The following ZNF81 variants were observed in gnomAD, a reference collection of about 807,000 sequenced individuals.
ZNF81 encodes zinc finger protein 81, also known as zinc finger protein 81 (HFZ20).
In ZNF81, 5 loss-of-function variants were observed where a neutral mutation model predicts 32.3. That is an observed-to-expected ratio of 0.15 (90% CI 0.08 to 0.33). The LOEUF is 0.33. Ranked by LOEUF, ZNF81 falls within the 10% of genes least tolerant of loss-of-function variation. The pLI is 1.00. For synonymous variants in ZNF81, 163 were observed against 166.8 expected (o/e 0.98, Z 0.17); for missense variants, 379 against 479.8 (o/e 0.79, Z 1.96).
At chrX:47,902,110 C>T (rs782079621) in intron 4 of ZNF81, among the ~76,000 whole-genome samples, 4 of 110,880 alleles carry the variant, frequency 3.6e-5, no homozygotes, top group Admixed American at 9.6e-5. Context: ...TCAAGGAGTT[C>T]GTGTATTCCA....
At chrX:47,860,666 A>G (rs2058536427) in intron 2 of ZNF81, 1 of 111,723 alleles carries the variant, frequency 9.0e-6, no homozygotes, top group South Asian at 3.7e-4. Context: ...TGGTGTCTGA[A>G]GTAGGACAGT....
At position 47,840,127 on chromosome X, in the gene ZNF81, CTTTT is replaced by C. The variant is rs34211141; in HGVS notation, c.-164+3154_-164+3157del. On this transcript the variant is annotated intron_variant, in intron 1 of 4. Coordinates refer to ENST00000338637, the MANE Select transcript of ZNF81 (RefSeq NM_007137.5). ...ATTTGTGTCTTCATGTCTTCTCTCT[CTTTT>C]TTTTTTTTTTTTTGCAGAGACAAGT... 1.4e-4 allele frequency among the ~76,000 whole-genome samples: 12 copies of C among 82,799 alleles called. No homozygotes were observed. The South Asian group carries it at 2.4e-3, about 16-fold the overall frequency. 71.9% of individuals were successfully genotyped at this position (82,799 alleles called of 115,157 possible).
Position 47,843,432 on chromosome X carries a change from T to TAC in ZNF81, c.-163-2641_-163-2640dup, listed in dbSNP as rs782116296. Among the ~76,000 whole-genome samples, 662 of 96,862 alleles carry TAC rather than the reference T, an allele frequency of 6.8e-3. 2 individuals carry two copies. The highest frequency in any genetic ancestry group is 0.014 in the African/African-American group (380 of 26,672). 84.1% of individuals were successfully genotyped at this position (96,862 alleles called of 115,157 possible). ...AATTATCTTATGTTATTCCTATATC[T>TAC]ACACACACACACACACACACACACA... On this transcript the variant is annotated intron_variant, in intron 1 of 4. Transcript: ENST00000338637.
intron 2 of ZNF81, among the ~76,000 whole-genome samples, chrX:47,852,275 G>A (rs2058498737): frequency 2.7e-5 from 3 of 111,976 alleles, no homozygotes; most frequent in African/African-American, 9.7e-5. Flanking sequence ...GACCGATCGG[G>A]GTGGTGGTTG....
In ZNF81 at chrX:47,919,424, C is replaced by A. The variant is rs1487734268; in HGVS notation, c.*2792C>A. ...TTGTAATATTTCCATTTGATTCTTA[C>A]AATTTTCATATATCTGCTGAAATTC... On this transcript the variant is annotated 3_prime_UTR_variant, in exon 5 of 5. Transcript: ENST00000338637. The A allele has an allele frequency of 1.5e-5, 3 of 198,479 alleles. No homozygotes were observed. Among genetic ancestry groups the A allele is most frequent in the Non-Finnish European group, 2.8e-5 (3 of 105,290 alleles). The allele number at this position is 198,479 out of a possible 1,213,427, so 16.4% of individuals were successfully genotyped here. A position where few individuals can be genotyped will look rare whatever the true frequency, so the allele number is the denominator to read the frequency against.
chrX:47,872,421 G>A (rs1262005347), intron 2 of ZNF81, among the ~76,000 whole-genome samples: 1 of 111,685 alleles, frequency 9.0e-6, no homozygotes, highest in Non-Finnish European at 1.9e-5. Flanking sequence ...AAGTTTTCCT[G>A]TGAGTGGCTC....
intron 2 of ZNF81, among the ~76,000 whole-genome samples, chrX:47,876,137 G>A (rs1556884518): frequency 8.9e-6 from 1 of 112,211 alleles, no homozygotes; most frequent in African/African-American, 3.2e-5. Context: ...CTTGATATCT[G>A]TATTCAAAGA....
intron 1 of ZNF81, chrX:47,840,914 C>T: frequency 2.2e-6 from 1 of 457,531 alleles, no homozygotes; most frequent in Non-Finnish European, 3.8e-6. Context: ...AATAAAAACA[C>T]ATGCTTCCAC....
Position 47,846,299 on chromosome X carries a change from G to A in ZNF81, c.32G>A (p.Gly11Glu). 1 of 1,209,797 alleles carries A rather than the reference G, an allele frequency of 8.3e-7. No individual in the cohort carries two copies. Among genetic ancestry groups the A allele is most frequent in the Non-Finnish European group, 1.1e-6 (1 of 894,999 alleles). Residue 11 changes from glycine to glutamate, a missense_variant, in exon 2 of 5, where the codon GGG (glycine) becomes GAG (glutamate). Physicochemically the swap from Gly to Glu is moderately conservative, Grantham distance 98. Transcript: ENST00000338637. ...GCTAACGAGGACGCTCCCCAGCCAG[G>A]GGAACATGGCAGTGCCTGTGAGGTG... MPANEDAPQP[G>E]EHGSACEVSV...
In ZNF81 at chrX:47,915,486, G is replaced by A. The variant is rs782154046; in HGVS notation, c.840G>A (p.Gly280=). The part of the protein sequence containing the change: ...GEKANTCTEF[G]KIFTQRSHFF... ...AAGCAAACACATGTACTGAATTTGG[G>A]AAGATCTTCACCCAGAGGTCACATT... Residue 280 remains glycine (G), a synonymous_variant, in exon 5 of 5, where the codon GGG becomes GGA. Coordinates refer to ENST00000338637, the MANE Select transcript of ZNF81 (RefSeq NM_007137.5). 1 of 1,211,395 alleles carries A rather than the reference G, an allele frequency of 8.3e-7. No individual in the cohort carries two copies. The highest frequency in any genetic ancestry group is 1.8e-5 in the South Asian group (1 of 56,987).
At chrX:47,887,885 G>T in intron 2 of ZNF81, 114 bp from the exon 3 acceptor site, 1 of 862,643 alleles carries the variant, frequency 1.2e-6, no homozygotes, top group East Asian at 3.2e-5. Context: ...GTATTTAATG[G>T]GCATACCATA....
At chrX:47,869,343 G>A (rs1440934561) in intron 2 of ZNF81, among the ~76,000 whole-genome samples, 5 of 111,695 alleles carry the variant, frequency 4.5e-5, no homozygotes, top group Non-Finnish European at 7.5e-5. Context: ...GATATAATAC[G>A]GAGTTCATCA....
At chrX:47,863,157 G>A (rs1221495362) in intron 2 of ZNF81, among the ~76,000 whole-genome samples, 1 of 111,584 alleles carries the variant, frequency 9.0e-6, no homozygotes, top group East Asian at 2.8e-4. Context: ...ATGAAACGGG[G>A]AGGGTGGTTC....
Position 47,888,132 on chromosome X carries a change from A to G in ZNF81, c.181+7A>G, listed in dbSNP as rs370030781. 1.1e-5 allele frequency: 13 copies of G among 1,205,036 alleles called. No homozygotes were observed. Among genetic ancestry groups the G allele is most frequent in the Non-Finnish European group, 1.5e-5 (13 of 892,730 alleles). The stretch of plus-strand genomic sequence containing the variant: ...AGCCACCTGCTCTCAGTGGGTAAGG[A>G]CAACCATCCTGTGAAGTTGTGAGGA... On this transcript the variant is annotated splice_region_variant and intron_variant, in intron 3 of 4. Coordinates refer to ENST00000338637, the MANE Select transcript of ZNF81 (RefSeq NM_007137.5).
intron 2 of ZNF81, among the ~76,000 whole-genome samples, chrX:47,852,010 G>A (rs1303504884): frequency 2.7e-5 from 3 of 112,122 alleles, no homozygotes; most frequent in African/African-American, 9.7e-5. Flanking sequence ...GAGATATTGC[G>A]GGTTCGATTC....
chrX:47,867,698 C>T (rs2058565270), intron 2 of ZNF81, among the ~76,000 whole-genome samples: 1 of 112,251 alleles, frequency 8.9e-6, no homozygotes, highest in Non-Finnish European at 1.9e-5. Context: ...TGATTAGCAA[C>T]GTGCAGAAAT....
rs782274841 is a variant in ZNF81, at chrX:47,915,237, G to T, written c.591G>T (p.Lys197Asn). The T allele has an allele frequency of 1.0e-4, 121 of 1,208,517 alleles. No homozygotes were observed. The highest frequency in any genetic ancestry group is 1.2e-4 in the Non-Finnish European group (110 of 894,322). Residue 197 changes from lysine to asparagine, a missense_variant, in exon 5 of 5, where the codon AAG becomes AAT. Lys to Asn is a moderately conservative substitution (Grantham distance 94). Around this residue, in one of 2 missense-constraint regions of ZNF81, gnomAD observed 277 missense variants for 306.6 expected, o/e 0.90. Transcript: ENST00000338637. ...CCCATAAACGTGATTCATTTGGGAA[G>T]AGTTTTAAGCATAATTTAGACTTAC... ...KRPHKRDSFGKSFKHNLDLHI... is the reference protein window; with the variant it reads ...KRPHKRDSFGNSFKHNLDLHI...
chrX:47,904,826 A>T (rs1168605087), intron 4 of ZNF81, among the ~76,000 whole-genome samples: 4 of 111,971 alleles, frequency 3.6e-5, no homozygotes, highest in African/African-American at 1.3e-4. Context: ...ATGTCCAACA[A>T]CGATAGACTG....
intron 4 of ZNF81, among the ~76,000 whole-genome samples, chrX:47,901,846 C>G (rs2058699759): frequency 9.0e-6 from 1 of 110,790 alleles, no homozygotes; most frequent in Non-Finnish European, 1.9e-5. Context: ...AAATTTCATG[C>G]CTGCTCTGTT....
Sources: gnomAD v4.1 joint callset for allele counts (sites outside exome capture counted in the v4.1 genomes callset) on GRCh38, gnomAD v4.1.1 for gene constraint, gnomAD v4.1.1 regional missense constraint, MANE v1.5 for transcripts, NCBI Gene and HGNC (gene_info 2026-07-23, HGNC 2026-07-21) for gene names.